VSX1: variants seen among roughly 807,000 people sequenced by gnomAD.
The protein encoded by VSX1 is visual system homeobox 1.
A neutral mutation model predicts 23.6 loss-of-function variants in VSX1; 23 were observed. That is an observed-to-expected ratio of 0.97 (90% CI 0.70 to 1.38). VSX1 has a LOEUF of 1.38. Ranked by LOEUF, VSX1 falls within the 40% of genes most tolerant of loss-of-function variation. The pLI is 0.00. For missense variants in VSX1, 517 were observed against 495.4 expected (o/e 1.04, Z -0.41); for synonymous variants, 247 against 215.1 (o/e 1.15, Z -1.30).
downstream of VSX1, among the ~76,000 whole-genome samples, chr20:25,074,244 AGAG>A (rs1171416406): frequency 6.6e-6 from 1 of 152,234 alleles, no homozygotes; most frequent in Non-Finnish European, 1.5e-5. Flanking sequence ...TGAAAAACCA[AGAG>A]ATCAGAAAGG....
Position 25,079,419 on chromosome 20 carries a change from A to T in VSX1, c.503+17T>A, listed in dbSNP as rs926345985. On this transcript the variant is annotated intron_variant, in intron 2 of 4. Coordinates refer to ENST00000376709, the MANE Select transcript of VSX1 (RefSeq NM_014588.6). Reference sequence around the variant, plus strand: ...TCCCGAGGAAAGGCAGGCAGAGGGGACTGCCTGGCCCTATACCTGTGCCGC... The same window carrying T: ...TCCCGAGGAAAGGCAGGCAGAGGGGTCTGCCTGGCCCTATACCTGTGCCGC... 4 of 1,606,040 alleles carry T rather than the reference A, an allele frequency of 2.5e-6. No individual in the cohort carries two copies. The highest frequency in any genetic ancestry group is 1.3e-5 in the African/African-American group (1 of 74,720).
chr20:25,078,051 G>T, intron 3 of VSX1, 186 bp from the exon 4 acceptor site: 1 of 747,444 alleles, frequency 1.3e-6, no homozygotes, highest in Non-Finnish European at 2.2e-6. Context: ...GGAGCCCCCA[G>T]CAGCGCCCAC....
At chr20:25,073,234 ATAT>A (rs2089417687), downstream of VSX1, among the ~76,000 whole-genome samples, 1 of 147,500 alleles carries the variant, frequency 6.8e-6, no homozygotes, top group South Asian at 2.2e-4. Flanking sequence ...TATTTTAATA[ATAT>A]TAATATTAAA....
At chr20:25,079,319 C>G (rs1404083843) in intron 2 of VSX1, 117 bp downstream of exon 2, 1 of 1,103,922 alleles carries the variant, frequency 9.1e-7, no homozygotes, top group African/African-American at 1.6e-5. Context: ...CCATTGCCAA[C>G]CAGGAAACCA....
rs1181153158 is a variant in VSX1, at chr20:25,079,431, T to A, written c.503+5A>T. 6.2e-7 allele frequency: 1 copy of A among 1,610,504 alleles called. No individual in the cohort carries two copies. On this transcript the variant is annotated splice_donor_5th_base_variant and intron_variant, in intron 2 of 4. Transcript: ENST00000376709. ...GCAGGCAGAGGGGACTGCCTGGCCCTATACCTGTGCCGCCGCTTCTTCCTC... is the reference window on the plus strand; with the variant it reads ...GCAGGCAGAGGGGACTGCCTGGCCCAATACCTGTGCCGCCGCTTCTTCCTC...
downstream of VSX1, chr20:25,071,148 A>G (rs967397384): frequency 2.2e-6 from 1 of 454,068 alleles, no homozygotes; most frequent in East Asian, 6.9e-5. Context: ...GAATCAGGGC[A>G]GAAAAGCACA....
chr20:25,072,106 G>A (rs2089391610), downstream of VSX1: 1 of 594,516 alleles, frequency 1.7e-6, no homozygotes, highest in Non-Finnish European at 3.1e-6. Flanking sequence ...GAGAGAGCGA[G>A]AGACTGTGGC....
chr20:25,073,291 T>C (rs1472144459), downstream of VSX1, among the ~76,000 whole-genome samples: 1 of 152,206 alleles, frequency 6.6e-6, no homozygotes, highest in Non-Finnish European at 1.5e-5. Flanking sequence ...ACTTAGAACA[T>C]ATTTAAAAAT....
intron 1 of VSX1, 74 bp from the exon 2 acceptor site, chr20:25,079,588 G>A: frequency 6.7e-7 from 1 of 1,499,804 alleles, no homozygotes; most frequent in Admixed American, 1.9e-5. Context: ...TTAATGTGAG[G>A]ATTGAAGTTA....
In VSX1 at chr20:25,081,740, C is replaced by T. The variant is rs1002445113; in HGVS notation, c.357G>A (p.Pro119=). Residue 119 remains proline (P), a synonymous_variant, in exon 1 of 5, where the codon CCG becomes CCA. Coordinates refer to ENST00000376709, the MANE Select transcript of VSX1 (RefSeq NM_014588.6). ...LPPRGPEPAA[P]LAPSRPPPAL... ...CAGGCGGCGGACGGCTGGGAGCCAGCGGGGCAGCGGGCTCGGGGCCCCTGG... is the reference window on the plus strand; with the variant it reads ...CAGGCGGCGGACGGCTGGGAGCCAGTGGGGCAGCGGGCTCGGGGCCCCTGG... The T allele has an allele frequency of 6.7e-7, 1 of 1,498,120 alleles. No homozygotes were observed. Among genetic ancestry groups the T allele is most frequent in the Non-Finnish European group, 8.8e-7 (1 of 1,131,692 alleles). 92.8% of individuals were successfully genotyped at this position (1,498,120 alleles called of 1,614,324 possible). A position where few individuals can be genotyped will look rare whatever the true frequency, so the allele number is the denominator to read the frequency against.
rs778634957 is a variant in VSX1 at position 25,079,403 on chromosome 20, A to C, written c.503+33T>G. The C allele has an allele frequency of 8.8e-6, 14 of 1,593,812 alleles. No individual in the cohort carries two copies. The African/African-American group carries it at 1.1e-4, about 12-fold the overall frequency. ...TAAACCTTGGGCTGTGTCCCGAGGAAAGGCAGGCAGAGGGGACTGCCTGGC... is the reference window on the plus strand; with the variant it reads ...TAAACCTTGGGCTGTGTCCCGAGGACAGGCAGGCAGAGGGGACTGCCTGGC... On this transcript the variant is annotated intron_variant, in intron 2 of 4. Transcript: ENST00000376709.
In VSX1 at chr20:25,077,762, T is replaced by C. The variant is rs148957473; in HGVS notation, c.731A>G (p.His244Arg). The C allele has an allele frequency of 4.2e-3, 6,460 of 1,550,756 alleles. 24 individuals carry two copies. Among genetic ancestry groups the C allele is most frequent in the Non-Finnish European group, 4.9e-3 (5,668 of 1,146,914 alleles). ...EYGLYGAMVR[H>R]CIPLPDSVLN... ...CACGGAGTCTGGCAGCGGGATGCAG[T>C]GGCGCACCATGGCCCCGTACAGCCC... The change falls in exon 4 of 5, where the codon CAC (histidine) becomes CGC (arginine). Residue 244 changes from histidine to arginine, a missense_variant. Coordinates refer to ENST00000376709, the MANE Select transcript of VSX1 (RefSeq NM_014588.6).
downstream of VSX1, chr20:25,072,690 C>T (rs1409386374): frequency 6.4e-6 from 3 of 471,052 alleles, no homozygotes; most frequent in East Asian, 2.1e-4. Context: ...TCATTGACCA[C>T]AGAAAACAAT....
Position 25,078,861 on chromosome 20 carries a change from C to T in VSX1, c.595G>A (p.Val199Met). 6.2e-7 allele frequency: 1 copy of T among 1,614,186 alleles called. No individual in the cohort carries two copies. The highest frequency in any genetic ancestry group is 1.7e-5 in the Admixed American group (1 of 60,030). ...PDVYAREMLAVKTELPEDRIQ... is the reference protein window; with the variant it reads ...PDVYAREMLAMKTELPEDRIQ... Reference sequence around the variant, plus strand: ...CGGTCTTCGGGGAGCTCAGTTTTCACAGCCAGCATTTCTCGGGCATACACA... The same window carrying T: ...CGGTCTTCGGGGAGCTCAGTTTTCATAGCCAGCATTTCTCGGGCATACACA... The change falls in exon 3 of 5, where the codon GTG (valine) becomes ATG (methionine). Residue 199 changes from valine (V) to methionine (M), a missense_variant. Transcript: ENST00000376709.
downstream of VSX1, chr20:25,071,082 G>A (rs1424537529): frequency 8.8e-6 from 4 of 454,002 alleles, no homozygotes; most frequent in African/African-American, 8.0e-5. Flanking sequence ...CCCGGGTTGA[G>A]ATCAGGGGTC....
chr20:25,079,410 G>T, intron 2 of VSX1, 26 bp downstream of exon 2: 1 of 1,601,242 alleles, frequency 6.2e-7, no homozygotes, highest in Non-Finnish European at 8.5e-7. Flanking sequence ...GGAAAGGCAG[G>T]CAGAGGGGAC....
chr20:25,071,275 T>C (rs1229097510), downstream of VSX1: 1 of 453,794 alleles, frequency 2.2e-6, no homozygotes, highest in Non-Finnish European at 4.4e-6. Flanking sequence ...TCATTCATGA[T>C]GGAAGGAGAG....
chr20:25,077,676 C>T lies in VSX1; in HGVS notation c.808+9G>A, dbSNP rs1251528559. The T allele has an allele frequency of 1.9e-6, 3 of 1,546,090 alleles. No individual in the cohort carries two copies. The highest frequency in any genetic ancestry group is 1.2e-5 in the South Asian group (1 of 83,992). On this transcript the variant is annotated intron_variant, in intron 4 of 4. Transcript: ENST00000376709. ...CTCGAGCCGTGCGATCCCGGGGGCC[C>T]TTCCTTACCCAGGAGCCAGGGCGCG...
Position 25,075,912 on chromosome 20 carries a change from C to T in VSX1, c.*349G>A. 1 of 310,830 alleles carries T rather than the reference C, an allele frequency of 3.2e-6. No homozygotes were observed. Among genetic ancestry groups the T allele is most frequent in the Non-Finnish European group, 6.1e-6 (1 of 164,538 alleles). The allele number at this position is 310,830 out of a possible 1,614,324, so 19.3% of individuals were successfully genotyped here. ...TGAGAATGAGGACATCAGACCTAAC[C>T]TATTCATCTATACAGTACATTGAAC... On this transcript the variant is annotated 3_prime_UTR_variant, in exon 5 of 5. Transcript: ENST00000376709.
Sources: allele counts gnomAD v4.1 joint callset (sites outside exome capture counted in the v4.1 genomes callset), GRCh38; gene constraint gnomAD v4.1.1; transcripts MANE v1.5; gene names NCBI Gene and HGNC (gene_info 2026-07-23, HGNC 2026-07-21).